Variants in EPM2A observed in about 807,000 individuals in gnomAD.
EPM2A encodes laforin.
EPM2A carries 21 observed loss-of-function variants against 26.5 expected under a neutral mutation model. The ratio of observed to expected loss-of-function variants is 0.79; its 90% confidence interval spans 0.56 to 1.14. The LOEUF is 1.14. Ranked by LOEUF, EPM2A falls within the 50% of genes most tolerant of loss-of-function variation. The pLI, the probability that EPM2A is intolerant of heterozygous loss-of-function variation, is 0.00. For missense variants in EPM2A, 458 were observed against 440.8 expected, an observed-to-expected ratio of 1.04 and a Z score of -0.35; for synonymous variants, 217 against 177.6, an observed-to-expected ratio of 1.22 and a Z score of -1.76.
chr6:145,664,854 G>T (rs1779042999), intron 2 of EPM2A, among the ~76,000 whole-genome samples: 1 of 151,774 alleles, frequency 6.6e-6, no homozygotes, highest in Admixed American at 6.6e-5. Flanking sequence ...TCAGGATTAA[G>T]ACTCTCACTC....
intron 2 of EPM2A, among the ~76,000 whole-genome samples, chr6:145,560,809 A>G (rs1464664938): frequency 6.6e-6 from 1 of 152,130 alleles, no homozygotes; most frequent in African/African-American, 2.4e-5. Context: ...CCTATCCTGT[A>G]AAGTTTGTAA....
intron 4 of EPM2A, among the ~76,000 whole-genome samples, chr6:145,494,508 ATT>A (rs1214010747): frequency 1.3e-5 from 2 of 151,436 alleles, no homozygotes; most frequent in African/African-American, 4.9e-5. Flanking sequence ...GATATTGGTT[ATT>A]TCTTGTATTC....
At chr6:145,454,187 G>C (rs2114711144) in intron 4 of EPM2A, among the ~76,000 whole-genome samples, 1 of 152,296 alleles carries the variant, frequency 6.6e-6, no homozygotes, top group South Asian at 2.1e-4. Flanking sequence ...TAATATGGTA[G>C]ATTAGTCACA....
intron 2 of EPM2A, among the ~76,000 whole-genome samples, chr6:145,561,007 T>C (rs1490779679): frequency 1.3e-5 from 2 of 152,150 alleles, no homozygotes; most frequent in South Asian, 2.1e-4. Flanking sequence ...TATTCTGTAA[T>C]TTGGAATTTT....
chr6:145,688,463 A>G (rs1449135833), intron 1 of EPM2A, among the ~76,000 whole-genome samples: 1 of 152,176 alleles, frequency 6.6e-6, no homozygotes, highest in East Asian at 1.9e-4. Flanking sequence ...GAGATGCAAA[A>G]TCTGAAAGAG....
chr6:145,455,669 T>A (rs1310090286), intron 4 of EPM2A, among the ~76,000 whole-genome samples: 2 of 152,162 alleles, frequency 1.3e-5, no homozygotes, highest in East Asian at 3.9e-4. Context: ...AACTAAAAAA[T>A]TTTCAGTATA....
At chr6:145,564,904 T>C (rs1010074664) in intron 2 of EPM2A, among the ~76,000 whole-genome samples, 2 of 152,102 alleles carry the variant, frequency 1.3e-5, no homozygotes, top group African/African-American at 4.8e-5. Flanking sequence ...TAAATTTCCC[T>C]GATGCTTATT....
intron 4 of EPM2A, among the ~76,000 whole-genome samples, chr6:145,387,792 G>A (rs551467120): frequency 7.0e-4 from 107 of 152,082 alleles, no homozygotes; most frequent in African/African-American, 2.3e-3. Flanking sequence ...TGAAATCACC[G>A]TAGATGAGAT....
intron 2 of EPM2A, chr6:145,502,629 C>A (rs1241309438): frequency 6.4e-6 from 3 of 469,724 alleles, no homozygotes; most frequent in East Asian, 7.0e-5. Flanking sequence ...ACAGTGCCAG[C>A]CTTGCTCAAG....
intron 4 of EPM2A, among the ~76,000 whole-genome samples, chr6:145,451,310 G>A (rs1227938587): frequency 1.3e-5 from 2 of 151,368 alleles, no homozygotes; most frequent in African/African-American, 4.8e-5. Context: ...ACCAAAGCAT[G>A]ATGTTACAAA....
intron 4 of EPM2A, chr6:145,490,191 T>C: frequency 2.9e-6 from 3 of 1,038,858 alleles, no homozygotes; most frequent in Non-Finnish European, 4.3e-6. Flanking sequence ...TCTGAAATAG[T>C]GTCACTGAGA....
At chr6:145,672,489 A>C (rs1439663677) in intron 2 of EPM2A, among the ~76,000 whole-genome samples, 1 of 152,238 alleles carries the variant, frequency 6.6e-6, no homozygotes, top group Non-Finnish European at 1.5e-5. Context: ...AATCTCCAAC[A>C]GGCTCAGAAA....
chr6:145,592,719 C>A (rs1172582261), intron 2 of EPM2A, among the ~76,000 whole-genome samples: 1 of 152,014 alleles, frequency 6.6e-6, no homozygotes, highest in Non-Finnish European at 1.5e-5. Flanking sequence ...ATTTGCATTT[C>A]TCTGATGGCC....
intron 1 of EPM2A, among the ~76,000 whole-genome samples, chr6:145,725,335 C>T (rs1232269439): frequency 1.3e-5 from 2 of 152,132 alleles, no homozygotes; most frequent in South Asian, 2.1e-4. Flanking sequence ...CATTCTATGC[C>T]AGTGGAAATG....
intron 4 of EPM2A, chr6:145,491,109 C>A: frequency 1.6e-6 from 1 of 614,088 alleles, no homozygotes; most frequent in South Asian, 1.4e-5. Flanking sequence ...TTTATTTGGC[C>A]ACCTTTTTTC....
At chr6:145,594,866 T>A (rs904677302) in intron 2 of EPM2A, among the ~76,000 whole-genome samples, 2 of 151,908 alleles carry the variant, frequency 1.3e-5, no homozygotes, top group African/African-American at 4.8e-5. Flanking sequence ...TAGGTTTTTT[T>A]AATGGTTTAC....
Position 145,627,359 on chromosome 6 carries a change from C to T in EPM2A, c.*57G>A. 2 of 1,610,274 alleles carry T rather than the reference C, an allele frequency of 1.2e-6. No homozygotes were observed. The highest frequency in any genetic ancestry group is 2.2e-5 in the East Asian group (1 of 44,888). On this transcript the variant is annotated 3_prime_UTR_variant, in exon 4 of 4. Coordinates refer to ENST00000367519, the MANE Select transcript of EPM2A (RefSeq NM_005670.4). ...AATCCTTGTTTCTAGGTCATTTGACCAACATCATCCCAGGCTCCTTAGGGA... is the reference window on the plus strand; with the variant it reads ...AATCCTTGTTTCTAGGTCATTTGACTAACATCATCCCAGGCTCCTTAGGGA...
chr6:145,429,335 T>C (rs1324376290), intron 4 of EPM2A, among the ~76,000 whole-genome samples: 2 of 152,178 alleles, frequency 1.3e-5, no homozygotes, highest in Non-Finnish European at 2.9e-5. Context: ...TATTTGCTTA[T>C]CTAATTCCTG....
intron 1 of EPM2A, among the ~76,000 whole-genome samples, chr6:145,688,654 C>G (rs1412174165): frequency 6.6e-6 from 1 of 151,896 alleles, no homozygotes; most frequent in Non-Finnish European, 1.5e-5. Flanking sequence ...GAAATAGGAA[C>G]ATAGATGAGT....
Sources: gnomAD v4.1 joint callset for allele counts (sites outside exome capture counted in the v4.1 genomes callset) on GRCh38, gnomAD v4.1.1 for gene constraint, MANE v1.5 for transcripts, NCBI Gene and HGNC (gene_info 2026-07-23, HGNC 2026-07-21) for gene names.